Variants in PIGN observed in about 807,000 individuals in gnomAD.
The protein encoded by PIGN is GPI ethanolamine phosphate transferase 1.
In PIGN, 117 loss-of-function variants were observed where a neutral mutation model predicts 125.4. The observed-to-expected ratio is 0.93, with a 90% CI of 0.80 to 1.09. The LOEUF (loss-of-function observed/expected upper bound fraction) is 1.09. PIGN is among the 50% of genes least tolerant of loss of function. The pLI, the probability that PIGN is intolerant of heterozygous loss-of-function variation, is 0.00. For missense variants in PIGN, 1,075 were observed against 1,094.9 expected (o/e 0.98, Z 0.26); for synonymous variants, 392 against 377.8 (o/e 1.04, Z -0.44).
chr18:62,120,524 GATA>G (rs1200943625), intron 14 of PIGN, among the ~76,000 whole-genome samples: 1 of 151,820 alleles, frequency 6.6e-6, no homozygotes, highest in Non-Finnish European at 1.5e-5. Context: ...AATAAATGTT[GATA>G]ATACAAGGCA....
chr18:62,155,919 G>A (rs2036714913), intron 6 of PIGN, among the ~76,000 whole-genome samples: 1 of 152,136 alleles, frequency 6.6e-6, no homozygotes, highest in Non-Finnish European at 1.5e-5. Context: ...GGTCCGCCCA[G>A]TATAATAATG....
In PIGN at chr18:62,043,237, C is replaced by T. The variant is rs1263945953; in HGVS notation, c.*2619G>A. ...ATCTAGTGTGAATATGGGAGCTCACCAGGTTCTCCCAAGGACAGGGTGGCC... is the reference window on the plus strand; with the variant it reads ...ATCTAGTGTGAATATGGGAGCTCACTAGGTTCTCCCAAGGACAGGGTGGCC... On this transcript the variant is annotated 3_prime_UTR_variant, in exon 31 of 31. Transcript: ENST00000640252. The T allele has an allele frequency of 6.6e-6, 1 of 152,166 alleles. No individual in the cohort carries two copies. The highest frequency in any genetic ancestry group is 2.4e-5 in the African/African-American group (1 of 41,436). The allele number at this position is 152,166 out of a possible 1,614,324, so 9.4% of individuals were successfully genotyped here. A position where few individuals can be genotyped will look rare whatever the true frequency, so the allele number is the denominator to read the frequency against.
At chr18:62,082,587 A>G in intron 28 of PIGN, 86 bp downstream of exon 28, 3 of 717,196 alleles carry the variant, frequency 4.2e-6, no homozygotes, top group Non-Finnish European at 7.3e-6. Context: ...GTGTCTTAAT[A>G]GCAATCATAT....
In PIGN at chr18:62,042,728, T is replaced by G. The variant is rs540258414; in HGVS notation, c.*3128A>C. 2 of 151,604 alleles carry G rather than the reference T, an allele frequency of 1.3e-5. No homozygotes were observed. The highest frequency in any genetic ancestry group is 1.3e-4 in the Admixed American group (2 of 15,230). 9.4% of individuals were successfully genotyped at this position (151,604 alleles called of 1,614,324 possible). ...AAAAAATGCTGCTGCCTGGAAAACA[T>G]AGTGAAACCCTGTCTCCATCAAAAA... On this transcript the variant is annotated 3_prime_UTR_variant, in exon 31 of 31. Coordinates refer to ENST00000640252, the MANE Select transcript of PIGN (RefSeq NM_176787.5).
chr18:62,080,967 C>A (rs148472994), intron 28 of PIGN, among the ~76,000 whole-genome samples: 1 of 151,938 alleles, frequency 6.6e-6, no homozygotes, highest in Non-Finnish European at 1.5e-5. Context: ...CACTGAGACA[C>A]TAGATAAATT....
chr18:62,150,446 A>G (rs2036488357), intron 7 of PIGN, among the ~76,000 whole-genome samples: 1 of 152,210 alleles, frequency 6.6e-6, no homozygotes, highest in African/African-American at 2.4e-5. Context: ...GAAATAGGGC[A>G]AAGCAAAGAG....
At chr18:62,167,286 ATGTGTGTGTGTGTG>A (rs61310777) in intron 1 of PIGN, among the ~76,000 whole-genome samples, 198 of 139,462 alleles carry the variant, frequency 1.4e-3, no homozygotes, top group African/African-American at 4.6e-3. Flanking sequence ...AGAGATATAT[ATGTGTGTGTGTGTG>A]TGTGTGTGTG....
intron 7 of PIGN, chr18:62,153,451 T>C (rs2147426265): frequency 6.6e-6 from 1 of 152,350 alleles, no homozygotes. Context: ...CTACCAGCTA[T>C]GTATGTACAT....
intron 30 of PIGN, among the ~76,000 whole-genome samples, chr18:62,062,866 ATGCTTTTGTATTCTGCTTTTTTTT>A (rs2032239201): frequency 6.7e-5 from 2 of 29,678 alleles, no homozygotes; most frequent in African/African-American, 2.9e-4. Context: ...TATTTGTTTT[ATGCTTTTGTATTCTGCTTTTTTTT>A]TTTTTTTTTT....
In PIGN at chr18:62,119,617, G is replaced by A. The variant is rs1402311869; in HGVS notation, c.1173-4978C>T. 2.6e-5 allele frequency among the ~76,000 whole-genome samples: 4 copies of A among 152,128 alleles called. No homozygotes were observed. In the East Asian group the frequency reaches 7.7e-4, roughly 29 times the overall value. ...CCAACACTTTGGGAGGCCAAGGTGGGCAGATCACTTGAGGTCAGGAGTTTG... is the reference window on the plus strand; with the variant it reads ...CCAACACTTTGGGAGGCCAAGGTGGACAGATCACTTGAGGTCAGGAGTTTG... On this transcript the variant is annotated intron_variant, in intron 14 of 30. Transcript: ENST00000640252.
chr18:62,153,866 C>A (rs2036624176), intron 7 of PIGN: 1 of 152,022 alleles, frequency 6.6e-6, no homozygotes, highest in Non-Finnish European at 1.5e-5. Context: ...AAAGAAGTAT[C>A]AATCAAAGCT....
intron 23 of PIGN, among the ~76,000 whole-genome samples, chr18:62,091,798 AT>A (rs2033973633): frequency 6.6e-6 from 1 of 152,180 alleles, no homozygotes; most frequent in South Asian, 2.1e-4. Flanking sequence ...TCTTAATCAC[AT>A]GTCTACCTGT....
intron 23 of PIGN, among the ~76,000 whole-genome samples, chr18:62,021,669 C>T (rs1003827065): frequency 6.6e-6 from 1 of 152,204 alleles, no homozygotes; most frequent in African/African-American, 2.4e-5. Flanking sequence ...ACTAAGTCAA[C>T]GTTTTATTGG....
intron 8 of PIGN, among the ~76,000 whole-genome samples, chr18:62,147,796 T>A (rs556500597): frequency 1.3e-5 from 2 of 152,182 alleles, no homozygotes; most frequent in Non-Finnish European, 2.9e-5. Flanking sequence ...CAAAAATGTA[T>A]ACAATTTATT....
rs1443040378 is a variant in PIGN, at chr18:62,041,705, GTT to G, written c.*4149_*4150del. On this transcript the variant is annotated 3_prime_UTR_variant, in exon 31 of 31. Coordinates refer to ENST00000640252, the MANE Select transcript of PIGN (RefSeq NM_176787.5). ...TGTGTGTGTGTGTGTGTGTGTGTGT[GTT>G]TAGTAGAGATGGGGTTTTGCCATCT... 47 of 137,280 alleles carry G rather than the reference GTT, an allele frequency of 3.4e-4. No homozygotes were observed. The highest frequency in any genetic ancestry group is 6.6e-4 in the East Asian group (3 of 4,580). 8.5% of individuals were successfully genotyped at this position (137,280 alleles called of 1,614,324 possible).
intron 1 of PIGN, among the ~76,000 whole-genome samples, chr18:62,165,958 A>G (rs561322246): frequency 6.6e-6 from 1 of 152,320 alleles, no homozygotes; most frequent in African/African-American, 2.4e-5. Flanking sequence ...GAGAATACTA[A>G]CTTTGAAGAA....
intron 12 of PIGN, among the ~76,000 whole-genome samples, chr18:62,139,838 A>G (rs1422373766): frequency 6.6e-6 from 1 of 152,170 alleles, no homozygotes; most frequent in East Asian, 1.9e-4. Flanking sequence ...CTGCCATGGG[A>G]TCATGGCTGT....
At chr18:62,047,503 G>A (rs2030828233) in intron 30 of PIGN, among the ~76,000 whole-genome samples, 1 of 152,228 alleles carries the variant, frequency 6.6e-6, no homozygotes, top group Non-Finnish European at 1.5e-5. Flanking sequence ...GAGGTTGCAT[G>A]GGAGGCAAAG....
chr18:62,174,849 A>C (rs1157997047), intron 1 of PIGN, among the ~76,000 whole-genome samples: 2 of 151,256 alleles, frequency 1.3e-5, no homozygotes, highest in Non-Finnish European at 2.9e-5. Flanking sequence ...TTCCTATAAA[A>C]ATCATGGCTA....
Sources: allele counts gnomAD v4.1 joint callset (sites outside exome capture counted in the v4.1 genomes callset), GRCh38; gene constraint gnomAD v4.1.1; transcripts MANE v1.5; gene names NCBI Gene and HGNC (gene_info 2026-07-23, HGNC 2026-07-21).